TMEM132D: variants seen among roughly 807,000 people sequenced by gnomAD.
TMEM132D encodes the protein mature OL transmembrane protein.
In TMEM132D, 21 loss-of-function variants were observed where a neutral mutation model predicts 62.3. The ratio of observed to expected loss-of-function variants is 0.34; its 90% confidence interval spans 0.24 to 0.49. The LOEUF (loss-of-function observed/expected upper bound fraction) is 0.49, where lower values mean the gene tolerates loss of function less well. Ranked by LOEUF, TMEM132D falls within the 20% of genes least tolerant of loss-of-function variation. The probability of loss-of-function intolerance (pLI) is 0.99; values close to 1 mark genes in which losing one functional copy is unlikely to be tolerated. For synonymous variants in TMEM132D, 621 were observed against 575.6 expected (o/e 1.08, Z -1.13); for missense variants, 1,346 against 1,402.8 (o/e 0.96, Z 0.65).
chr12:129,112,313 G>A (rs1875740292), intron 5 of TMEM132D, among the ~76,000 whole-genome samples: 2 of 152,160 alleles, frequency 1.3e-5, no homozygotes, highest in East Asian at 1.9e-4. Flanking sequence ...GTTTACACCC[G>A]TGCTGTCCAA....
chr12:129,644,704 A>G lies in TMEM132D; in HGVS notation c.968+55106T>C, dbSNP rs568871740. 3.0e-3 allele frequency among the ~76,000 whole-genome samples: 459 copies of G among 151,908 alleles called. 3 individuals are homozygous for G. Among genetic ancestry groups the G allele is most frequent in the Middle Eastern group, 0.014 (4 of 294 alleles). The stretch of plus-strand genomic sequence containing the variant: ...TTAAAATATTTTACCCTGGGCCAGG[A>G]GCAGTGGCTCACACCTGTAATCCCA... On this transcript the variant is annotated intron_variant, in intron 2 of 8. Transcript: ENST00000422113.
chr12:129,390,042 T>C (rs1871251610), intron 3 of TMEM132D, among the ~76,000 whole-genome samples: 1 of 152,188 alleles, frequency 6.6e-6, no homozygotes, highest in South Asian at 2.1e-4. Context: ...TGTCATCCTG[T>C]CACGGGACCA....
At chr12:129,861,042 T>C (rs75660640) in intron 1 of TMEM132D, among the ~76,000 whole-genome samples, 2,805 of 152,310 alleles carry the variant, frequency 0.018, 47 homozygotes, top group Non-Finnish European at 0.028. Context: ...ATGAAGCAAT[T>C]ATTGGAATCT....
intron 2 of TMEM132D, among the ~76,000 whole-genome samples, chr12:129,692,797 T>C (rs1881093271): frequency 1.3e-5 from 2 of 150,962 alleles, no homozygotes; most frequent in Non-Finnish European, 2.9e-5. Flanking sequence ...AGCTGAACAA[T>C]GAGAAAACAG....
chr12:129,623,726 T>C (rs898023541), intron 2 of TMEM132D, among the ~76,000 whole-genome samples: 1 of 138,848 alleles, frequency 7.2e-6, no homozygotes, highest in Non-Finnish European at 1.5e-5. Context: ...TATATATACA[T>C]ACATATATAC....
intron 3 of TMEM132D, among the ~76,000 whole-genome samples, chr12:129,430,071 G>C (rs1872611399): frequency 2.0e-5 from 3 of 152,124 alleles, no homozygotes; most frequent in Admixed American, 2.0e-4. Flanking sequence ...ATAGCAGCAT[G>C]ATTTACAATC....
chr12:129,355,200 G>A (rs1870001013), intron 3 of TMEM132D, among the ~76,000 whole-genome samples: 3 of 152,280 alleles, frequency 2.0e-5, no homozygotes, highest in African/African-American at 2.4e-5. Context: ...GACTTTGTAC[G>A]ACAATGTAGA....
chr12:129,363,617 A>C (rs146320782), intron 3 of TMEM132D, among the ~76,000 whole-genome samples: 58 of 152,298 alleles, frequency 3.8e-4, no homozygotes, highest in African/African-American at 1.3e-3. Flanking sequence ...GAAAGAGATG[A>C]TTCTGTTTCT....
intron 1 of TMEM132D, among the ~76,000 whole-genome samples, chr12:129,878,275 C>T (rs80070184): frequency 1.0e-3 from 154 of 152,290 alleles, no homozygotes; most frequent in Non-Finnish European, 1.5e-3. Context: ...CCTTCCTTTC[C>T]TGAAATCCTA....
In TMEM132D at chr12:129,179,084, T is replaced by C. The variant is rs145374179; in HGVS notation, c.1443+30436A>G. The stretch of plus-strand genomic sequence containing the variant: ...AAGAGGACATGCTGCTTGGGGACCG[T>C]AGACAAACAGATGAGTGAGCCCAGA... On this transcript the variant is annotated intron_variant, in intron 5 of 8. Transcript: ENST00000422113. Among the ~76,000 whole-genome samples, 468 of 152,158 alleles carry C rather than the reference T, an allele frequency of 3.1e-3. 6 individuals are homozygous for C. Among genetic ancestry groups the C allele is most frequent in the African/African-American group, 0.011 (452 of 41,486 alleles).
chr12:129,532,114 T>G (rs995193996), intron 2 of TMEM132D, among the ~76,000 whole-genome samples: 10 of 152,108 alleles, frequency 6.6e-5, no homozygotes, highest in African/African-American at 2.2e-4. Context: ...CAGTTTGATT[T>G]TGATTTACAA....
intron 2 of TMEM132D, among the ~76,000 whole-genome samples, chr12:129,682,012 T>C (rs1238165164): frequency 6.6e-6 from 1 of 152,242 alleles, no homozygotes; most frequent in Non-Finnish European, 1.5e-5. Context: ...TATCTTGCAC[T>C]AGAATGTGCT....
At chr12:129,605,604 T>TATACAC (rs150550863) in intron 2 of TMEM132D, among the ~76,000 whole-genome samples, 8 of 106,270 alleles carry the variant, frequency 7.5e-5, no homozygotes, top group South Asian at 3.1e-4. Context: ...TATATATATA[T>TATACAC]ACACACACAT....
intron 2 of TMEM132D, among the ~76,000 whole-genome samples, chr12:129,642,242 A>G (rs548974827): frequency 6.6e-6 from 1 of 152,336 alleles, no homozygotes; most frequent in Non-Finnish European, 1.5e-5. Flanking sequence ...GCCAAACAAA[A>G]TACTCCTAAA....
At chr12:129,487,049 G>A (rs978536729) in intron 3 of TMEM132D, among the ~76,000 whole-genome samples, 4 of 151,862 alleles carry the variant, frequency 2.6e-5, no homozygotes, top group African/African-American at 7.3e-5. Flanking sequence ...GGGGTTGTGG[G>A]TGTAGCTGTG....
chr12:129,377,056 T>C (rs1450668806), intron 3 of TMEM132D, among the ~76,000 whole-genome samples: 1 of 152,238 alleles, frequency 6.6e-6, no homozygotes, highest in Non-Finnish European at 1.5e-5. Context: ...ATTCCTGTTT[T>C]AGCAAACAAA....
At chr12:129,128,472 C>G (rs1227147481) in intron 5 of TMEM132D, among the ~76,000 whole-genome samples, 2 of 152,098 alleles carry the variant, frequency 1.3e-5, no homozygotes, top group Non-Finnish European at 2.9e-5. Flanking sequence ...TTTTAAACCA[C>G]AAGATCTCAT....
intron 3 of TMEM132D, among the ~76,000 whole-genome samples, chr12:129,415,271 C>A (rs570771862): frequency 6.6e-6 from 1 of 152,124 alleles, no homozygotes; most frequent in Non-Finnish European, 1.5e-5. Context: ...ATGCCTGTAC[C>A]AATTTATATT....
intron 2 of TMEM132D, among the ~76,000 whole-genome samples, chr12:129,551,001 C>T (rs1267998252): frequency 6.6e-6 from 1 of 152,210 alleles, no homozygotes; most frequent in Non-Finnish European, 1.5e-5. Flanking sequence ...AAGCTCAAGG[C>T]CACCATATTG....
Sources: gnomAD v4.1 joint callset for allele counts (sites outside exome capture counted in the v4.1 genomes callset) on GRCh38, gnomAD v4.1.1 for gene constraint, MANE v1.5 for transcripts, NCBI Gene and HGNC (gene_info 2026-07-23, HGNC 2026-07-21) for gene names.